SHH: variants seen among roughly 807,000 people sequenced by gnomAD.
SHH encodes the protein sonic hedgehog signaling molecule, also known as sonic hedgehog protein.
A neutral mutation model predicts 16.6 loss-of-function variants in SHH; 3 were observed. The observed-to-expected ratio is 0.18, with a 90% CI of 0.08 to 0.47. The LOEUF (loss-of-function observed/expected upper bound fraction) is 0.47. SHH is among the 20% of genes least tolerant of loss of function. The pLI is 0.98. For missense variants in SHH, 499 were observed against 665.0 expected (o/e 0.75, Z 2.75); for synonymous variants, 351 against 316.2 (o/e 1.11, Z -1.17).
chr7:155,803,015 CCCGG>C lies in SHH; in HGVS notation c.1270_1273del (p.Pro424ValfsTer18). 1 of 1,555,036 alleles carries C rather than the reference CCCGG, an allele frequency of 6.4e-7. No individual in the cohort carries two copies. Among genetic ancestry groups the C allele is most frequent in the Non-Finnish European group, 8.7e-7 (1 of 1,152,306 alleles). On this transcript the variant is annotated frameshift_variant, in exon 3 of 3. Coordinates refer to ENST00000297261, the MANE Select transcript of SHH (RefSeq NM_000193.4). LOFTEE classifies it low-confidence loss of function (END_TRUNC). ...GTGGATGCCCGCGGTGGCCCCCGCA[CCCGG>C]AGCGTCGGCAGCACCTGGAGCGGTT...
At position 155,803,037 on chromosome 7, in the gene SHH, G is replaced by A; in HGVS notation, c.1252C>T (p.Pro418Ser). ...GGGGRVALTAPGAADAPGAGA... is the reference protein window; with the variant it reads ...GGGGRVALTASGAADAPGAGA... Reference sequence around the variant, plus strand: ...GCACCCGGAGCGTCGGCAGCACCTGGAGCGGTTAGGGCTACTCTGCCGCCG... The same window carrying A: ...GCACCCGGAGCGTCGGCAGCACCTGAAGCGGTTAGGGCTACTCTGCCGCCG... The change falls in exon 3 of 3, where the codon CCA becomes TCA. Residue 418 changes from proline (P) to serine (S), a missense_variant. Coordinates refer to ENST00000297261, the MANE Select transcript of SHH (RefSeq NM_000193.4). The A allele has an allele frequency of 6.4e-7, 1 of 1,557,972 alleles. No individual in the cohort carries two copies. The highest frequency in any genetic ancestry group is 8.7e-7 in the Non-Finnish European group (1 of 1,154,980).
chr7:155,812,215 C>T lies in SHH; in HGVS notation c.-93G>A, dbSNP rs1777817619. 1 of 1,236,934 alleles carries T rather than the reference C, an allele frequency of 8.1e-7. No homozygotes were observed. 76.6% of individuals were successfully genotyped at this position (1,236,934 alleles called of 1,614,324 possible). A position where few individuals can be genotyped will look rare whatever the true frequency, so the allele number is the denominator to read the frequency against. ...GTGTGTGCGTGTGCGCTCTCTCTTG[C>T]GCTTTCCCTTCCTCGCTCCGGCTCG... is the stretch of plus-strand genomic sequence containing the variant. On this transcript the variant is annotated 5_prime_UTR_variant, in exon 1 of 3. Transcript: ENST00000297261.
In SHH at chr7:155,803,064, C is replaced by T; in HGVS notation, c.1225G>A (p.Gly409Ser). The T allele has an allele frequency of 2.1e-6, 3 of 1,400,078 alleles. No individual in the cohort carries two copies. Among genetic ancestry groups the T allele is most frequent in the South Asian group, 1.8e-5 (1 of 55,552 alleles). The allele number at this position is 1,400,078 out of a possible 1,614,324, so 86.7% of individuals were successfully genotyped here. The change falls in exon 3 of 3, where the codon GGC becomes AGC. Residue 409 changes from glycine to serine, a missense_variant. Transcript: ENST00000297261. ...GDSGGGDRGG[G>S]GGRVALTAPG... Reference sequence around the variant, plus strand: ...GCGGTTAGGGCTACTCTGCCGCCGCCGCCCCCGCGGTCCCCGCCGCCGCTG... The same window carrying T: ...GCGGTTAGGGCTACTCTGCCGCCGCTGCCCCCGCGGTCCCCGCCGCCGCTG...
chr7:155,805,089 C>G (rs1463660194), intron 2 of SHH, among the ~76,000 whole-genome samples: 1 of 151,898 alleles, frequency 6.6e-6, no homozygotes, highest in African/African-American at 2.4e-5. Context: ...CGCCGCGGCT[C>G]CGCTCTCCCG....
In SHH at chr7:155,803,186, T is replaced by G; in HGVS notation, c.1103A>C (p.Glu368Ala). Residue 368 changes from glutamate to alanine, a missense_variant, in exon 3 of 3, where the codon GAG becomes GCG. Around this residue, in one of 4 missense-constraint regions of SHH, gnomAD observed 299 missense variants for 301.1 expected, o/e 0.99. Coordinates refer to ENST00000297261, the MANE Select transcript of SHH (RefSeq NM_000193.4). ...GGCCCGGTGCGCCCAGCTGTGCTCCTCGATGACCGCGTAGCACGAGGCCAG... is the reference window on the plus strand; with the variant it reads ...GGCCCGGTGCGCCCAGCTGTGCTCCGCGATGACCGCGTAGCACGAGGCCAG... ...RVLASCYAVI[E>A]EHSWAHRAFA... is the part of the protein sequence containing the mutation. 1 of 1,481,174 alleles carries G rather than the reference T, an allele frequency of 6.8e-7. No homozygotes were observed. The highest frequency in any genetic ancestry group is 8.9e-7 in the Non-Finnish European group (1 of 1,118,312). The allele number at this position is 1,481,174 out of a possible 1,614,324, so 91.8% of individuals were successfully genotyped here.
rs191903572 is a variant in SHH at position 155,803,211 on chromosome 7, G to A, written c.1078C>T (p.Leu360=). Residue 360 remains leucine (L), a synonymous_variant, in exon 3 of 3, where the codon CTG becomes TTG. Transcript: ENST00000297261. ...AQGTILINRV[L]ASCYAVIEEH... ...TCGATGACCGCGTAGCACGAGGCCAGCACCCGGTTGATGAGAATGGTGCCC... is the reference window on the plus strand; with the variant it reads ...TCGATGACCGCGTAGCACGAGGCCAACACCCGGTTGATGAGAATGGTGCCC... 2,534 of 1,509,260 alleles carry A rather than the reference G, an allele frequency of 1.7e-3. 7 individuals are homozygous for A. The highest frequency in any genetic ancestry group is 2.1e-3 in the Non-Finnish European group (2,412 of 1,134,532). 93.5% of individuals were successfully genotyped at this position (1,509,260 alleles called of 1,614,324 possible).
At chr7:155,810,501 C>T (rs1803499125) in intron 1 of SHH, among the ~76,000 whole-genome samples, 1 of 152,230 alleles carries the variant, frequency 6.6e-6, no homozygotes, top group African/African-American at 2.4e-5. Flanking sequence ...AATTGTGGAT[C>T]GCGCTGCTGT....
chr7:155,801,006 C>T lies in SHH; in HGVS notation c.*1894G>A, dbSNP rs1803168203. ...CCCAAAGCACAAAGCATGGCAGACA[C>T]CTTCCGTAAGCCAAAGAACTGGGAG... On this transcript the variant is annotated 3_prime_UTR_variant, in exon 3 of 3. Coordinates refer to ENST00000297261, the MANE Select transcript of SHH (RefSeq NM_000193.4). The T allele has an allele frequency of 5.5e-6, 1 of 182,338 alleles. No homozygotes were observed. The highest frequency in any genetic ancestry group is 1.2e-5 in the Non-Finnish European group (1 of 85,514). 11.3% of individuals were successfully genotyped at this position (182,338 alleles called of 1,614,324 possible). A position where few individuals can be genotyped will look rare whatever the true frequency, so the allele number is the denominator to read the frequency against.
In SHH at chr7:155,802,648, AG is replaced by A. The variant is rs200684684; in HGVS notation, c.*251del. 1,911 of 365,148 alleles carry A rather than the reference AG, an allele frequency of 5.2e-3. 65 individuals carry two copies. The East Asian group carries it at 0.061, about 12-fold the overall frequency. The allele number at this position is 365,148 out of a possible 1,614,324, so 22.6% of individuals were successfully genotyped here. ...TACCAAACAAATAAATAGCCAGGAG[AG>A]GAGGAAAAAATAACCAAAATAAAAC... On this transcript the variant is annotated 3_prime_UTR_variant, in exon 3 of 3. Coordinates refer to ENST00000297261, the MANE Select transcript of SHH (RefSeq NM_000193.4).
Position 155,801,435 on chromosome 7 carries a change from G to C in SHH, c.*1465C>G, listed in dbSNP as rs558362353. On this transcript the variant is annotated 3_prime_UTR_variant, in exon 3 of 3. Transcript: ENST00000297261. ...ATCAGAGAAGCACAAACAGGGTCAG[G>C]CCAGGGGTCTGCCCAGCAACCACAC... 6.6e-6 allele frequency: 1 copy of C among 152,426 alleles called. No individual in the cohort carries two copies. The highest frequency in any genetic ancestry group is 1.9e-4 in the East Asian group (1 of 5,170). 9.4% of individuals were successfully genotyped at this position (152,426 alleles called of 1,614,324 possible).
chr7:155,811,560 C>T (rs997109009), intron 1 of SHH, among the ~76,000 whole-genome samples: 1 of 152,120 alleles, frequency 6.6e-6, no homozygotes, highest in Non-Finnish European at 1.5e-5. Context: ...TGTAGCAAGA[C>T]TCATCAAATC....
In SHH at chr7:155,803,843, A is replaced by C. The variant is rs896675517; in HGVS notation, c.563-117T>G. 1.1e-4 allele frequency: 94 copies of C among 863,870 alleles called. 1 individual carries two copies. In the South Asian group the frequency reaches 1.3e-3, roughly 12 times the overall value. The allele number at this position is 863,870 out of a possible 1,614,324, so 53.5% of individuals were successfully genotyped here. On this transcript the variant is annotated intron_variant, in intron 2 of 2. Transcript: ENST00000297261. ...CCGCGCTCCTAGGCCAGGGGTGCGC[A>C]AGGCGCGGGGCGGGGCGATTGATTC...
intron 1 of SHH, among the ~76,000 whole-genome samples, chr7:155,810,304 A>G (rs1803492020): frequency 6.6e-6 from 1 of 150,646 alleles, no homozygotes. Context: ...TGGCTCTGGG[A>G]CCTCGGGTAT....
Position 155,812,000 on chromosome 7 carries a change from A to G in SHH, c.123T>C (p.Pro41=), listed in dbSNP as rs762641511. 1.2e-6 allele frequency: 2 copies of G among 1,614,108 alleles called. No homozygotes were observed. Among genetic ancestry groups the G allele is most frequent in the Non-Finnish European group, 1.7e-6 (2 of 1,180,030 alleles). The change falls in exon 1 of 3, where the codon CCT becomes CCC. Residue 41 remains proline, a synonymous_variant. Coordinates refer to ENST00000297261, the MANE Select transcript of SHH (RefSeq NM_000193.4). ...GKRRHPKKLT[P]LAYKQFIPNV... ...TGGGGATAAACTGCTTGTAGGCTAA[A>G]GGGGTCAGCTTTTTGGGGTGCCTCC...
At position 155,800,061 on chromosome 7, in the gene SHH, G is replaced by C; in HGVS notation, c.*2839C>G. On this transcript the variant is annotated 3_prime_UTR_variant, in exon 3 of 3. Transcript: ENST00000297261. ...TCAAGTACATTGTGATACACGTTTT[G>C]ACAGGAATAGATATGCATTTAGTCA... 2.1e-6 allele frequency: 1 copy of C among 471,644 alleles called. No individual in the cohort carries two copies. The highest frequency in any genetic ancestry group is 4.4e-6 in the Non-Finnish European group (1 of 227,182). The allele number at this position is 471,644 out of a possible 1,614,324, so 29.2% of individuals were successfully genotyped here.
intron 1 of SHH, chr7:155,806,932 GCCCC>G: frequency 2.2e-5 from 7 of 315,238 alleles, no homozygotes; most frequent in South Asian, 9.5e-5. Context: ...TGGGATACCC[GCCCC>G]GCCCCCACGT....
At position 155,812,282 on chromosome 7, in the gene SHH, T is replaced by G; in HGVS notation, c.-160A>C. ...CTCGCTGGCTGCCTCGCTCTTTCTCTTCCTATATAACCTTGCCCGCCGCGG... is the reference window on the plus strand; with the variant it reads ...CTCGCTGGCTGCCTCGCTCTTTCTCGTCCTATATAACCTTGCCCGCCGCGG... On this transcript the variant is annotated 5_prime_UTR_variant, in exon 1 of 3. Transcript: ENST00000297261. The G allele has an allele frequency of 1.4e-6, 1 of 722,824 alleles. No homozygotes were observed. The highest frequency in any genetic ancestry group is 2.4e-6 in the Non-Finnish European group (1 of 412,664). 44.8% of individuals were successfully genotyped at this position (722,824 alleles called of 1,614,324 possible). A position where few individuals can be genotyped will look rare whatever the true frequency, so the allele number is the denominator to read the frequency against.
chr7:155,808,455 C>A (rs1803422781), intron 1 of SHH, among the ~76,000 whole-genome samples: 1 of 152,234 alleles, frequency 6.6e-6, no homozygotes, highest in African/African-American at 2.4e-5. Flanking sequence ...CTGTGAGCTG[C>A]GCCACTTGGG....
chr7:155,802,932 G>T lies in SHH; in HGVS notation c.1357C>A (p.His453Asn). 1 of 1,520,388 alleles carries T rather than the reference G, an allele frequency of 6.6e-7. No homozygotes were observed. The highest frequency in any genetic ancestry group is 1.3e-5 in the South Asian group (1 of 77,890). 94.2% of individuals were successfully genotyped at this position (1,520,388 alleles called of 1,614,324 possible). Residue 453 changes from histidine (H) to asparagine (N), a missense_variant, in exon 3 of 3, where the codon CAC (histidine) becomes AAC (asparagine). His to Asn is a moderately conservative substitution (Grantham distance 68, BLOSUM62 1). This residue lies in a region of SHH where 299 missense variants were observed against 301.1 expected (regional missense o/e 0.99). Coordinates refer to ENST00000297261, the MANE Select transcript of SHH (RefSeq NM_000193.4). Reference sequence around the variant, plus strand: ...GACTTGACCGCCATGCCCAGCGGGTGCAGGGCCTCGCTGTCCAGGAGCCAG... The same window carrying T: ...GACTTGACCGCCATGCCCAGCGGGTTCAGGGCCTCGCTGTCCAGGAGCCAG... The part of the protein sequence containing the change: ...GTWLLDSEAL[H>N]PLGMAVKSS
Sources: allele counts gnomAD v4.1 joint callset (sites outside exome capture counted in the v4.1 genomes callset), GRCh38; gene constraint gnomAD v4.1.1; regional missense constraint gnomAD v4.1.1; transcripts MANE v1.5; gene names NCBI Gene and HGNC (gene_info 2026-07-23, HGNC 2026-07-21).